CHFR: variants seen among roughly 807,000 people sequenced by gnomAD.
CHFR encodes the protein checkpoint with forkhead and ring finger domains, also known as E3 ubiquitin-protein ligase CHFR.
CHFR carries 57 observed loss-of-function variants against 87.6 expected under a neutral mutation model. The ratio of observed to expected loss-of-function variants is 0.65; its 90% CI spans 0.53 to 0.81. CHFR has a LOEUF of 0.81. Among genes scored for constraint, CHFR ranks in the 30% least tolerant of loss-of-function variants. The pLI is 0.00. For missense variants in CHFR, 797 were observed against 865.8 expected (o/e 0.92, Z 1.00); for synonymous variants, 381 against 359.2 (o/e 1.06, Z -0.69).
intron 12 of CHFR, among the ~76,000 whole-genome samples, chr12:132,850,236 T>C (rs1950910613): frequency 6.6e-6 from 1 of 151,902 alleles, no homozygotes; most frequent in South Asian, 2.1e-4. Context: ...TTTAATTGTC[T>C]GATATTCTAT....
chr12:132,839,705 C>T lies in CHFR; in HGVS notation c.*1849G>A, dbSNP rs1490165451. 1 of 167,670 alleles carries T rather than the reference C, an allele frequency of 6.0e-6. No homozygotes were observed. Among genetic ancestry groups the T allele is most frequent in the Non-Finnish European group, 1.3e-5 (1 of 77,774 alleles). 10.4% of individuals were successfully genotyped at this position (167,670 alleles called of 1,614,324 possible). Reference sequence around the variant, plus strand: ...CCTGCACCAACTCAAGACTTCCCTTCTTGGCCTCACCCCTGCACAAACGTG... The same window carrying T: ...CCTGCACCAACTCAAGACTTCCCTTTTTGGCCTCACCCCTGCACAAACGTG... On this transcript the variant is annotated 3_prime_UTR_variant, in exon 18 of 18. Transcript: ENST00000450056.
intron 5 of CHFR, 91 bp from the exon 6 acceptor site, chr12:132,869,889 T>C (rs1489037475): frequency 3.5e-6 from 5 of 1,429,628 alleles, no homozygotes; most frequent in East Asian, 2.5e-5. Context: ...GCAGACACTC[T>C]AGGGATTGAA....
intron 11 of CHFR, 21 bp downstream of exon 11, chr12:132,853,410 C>A: frequency 1.3e-6 from 2 of 1,499,532 alleles, no homozygotes; most frequent in East Asian, 2.6e-5. Context: ...AAGGCTGAGG[C>A]CTGAGGGCGG....
chr12:132,847,631 TGCTCG>T (rs1950857350), intron 14 of CHFR: 1 of 1,075,740 alleles, frequency 9.3e-7, no homozygotes, highest in Non-Finnish European at 1.1e-6. Flanking sequence ...GTCAGCAAAG[TGCTCG>T]GCAGGAGGGC....
chr12:132,851,628 G>A lies in CHFR; in HGVS notation c.1482C>T (p.Ala494=). The part of the protein sequence containing the change: ...RAEREQDPRV[A]PQQCAVCLQP... ...GGCGCGGGCACTCACACTGCTGAGG[G>A]GCGACACGCGGGTCCTGCTCGCGCT... The change falls in exon 12 of 18, where the codon GCC becomes GCT. Residue 494 remains alanine (A), a synonymous_variant. Coordinates refer to ENST00000450056, the MANE Select transcript of CHFR (RefSeq NM_001161346.2). 1.9e-6 allele frequency: 3 copies of A among 1,611,398 alleles called. No homozygotes were observed. The highest frequency in any genetic ancestry group is 2.5e-6 in the Non-Finnish European group (3 of 1,179,360).
At chr12:132,862,386 A>G in intron 6 of CHFR, 1 of 434,268 alleles carries the variant, frequency 2.3e-6, no homozygotes, top group Non-Finnish European at 4.6e-6. Context: ...TGATCCCAGG[A>G]GTTTTAGACC....
In CHFR at chr12:132,846,263, C is replaced by CTTTTT. The variant is rs10573381; in HGVS notation, c.1735+775_1735+779dup. 1.3e-4 allele frequency among the ~76,000 whole-genome samples: 17 copies of CTTTTT among 127,854 alleles called. 2 individuals carry two copies. In the East Asian group the frequency reaches 1.7e-3, roughly 13 times the overall value. 83.9% of individuals were successfully genotyped at this position (127,854 alleles called of 152,430 possible). A position where few individuals can be genotyped will look rare whatever the true frequency, so the allele number is the denominator to read the frequency against. The stretch of plus-strand genomic sequence containing the variant: ...GTCATACAGGTTCATGCTTAACTGT[C>CTTTTT]TTTTTTTTTTTTTTTTTGAGACGGA... On this transcript the variant is annotated intron_variant, in intron 15 of 17. Transcript: ENST00000450056.
At chr12:132,879,611 G>A (rs907885016) in intron 2 of CHFR, among the ~76,000 whole-genome samples, 3 of 151,846 alleles carry the variant, frequency 2.0e-5, no homozygotes, top group South Asian at 2.1e-4. Flanking sequence ...GGATGGTCTC[G>A]ATCTCTTGAC....
At position 132,843,086 on chromosome 12, in the gene CHFR, GGAAAAAGA is replaced by G. The variant is rs1566173008; in HGVS notation, c.1844-11_1844-4del. 1 of 1,612,452 alleles carries G rather than the reference GGAAAAAGA, an allele frequency of 6.2e-7. No individual in the cohort carries two copies. The highest frequency in any genetic ancestry group is 8.5e-7 in the Non-Finnish European group (1 of 1,179,390). On this transcript the variant is annotated splice_region_variant and splice_polypyrimidine_tract_variant and intron_variant, in intron 16 of 17. Transcript: ENST00000450056. ...GTCAGGACGGGATGTTACGGCCACT[GGAAAAAGA>G]GAAGGGGTACGCATCTATGAGATGT... is the stretch of plus-strand genomic sequence containing the variant.
intron 7 of CHFR, among the ~76,000 whole-genome samples, chr12:132,859,551 C>T (rs1025685925): frequency 6.6e-5 from 10 of 152,066 alleles, no homozygotes; most frequent in African/African-American, 2.2e-4. Context: ...AGGGTTTCAC[C>T]GTGTTAGCCA....
At chr12:132,841,625 A>G (rs775072924) in intron 17 of CHFR, 29 bp from the exon 18 acceptor site, 1 of 1,587,130 alleles carries the variant, frequency 6.3e-7, no homozygotes, top group Non-Finnish European at 8.7e-7. Flanking sequence ...CAAATTACAC[A>G]AGAGAGCATT....
chr12:132,869,735 G>A lies in CHFR; in HGVS notation c.467C>T (p.Thr156Ile). The change falls in exon 6 of 18, where the codon ACT becomes ATT. Residue 156 changes from threonine to isoleucine, a missense_variant. Transcript: ENST00000450056. ...CTGTGGTTCCTCAAAGCACACCTGA[G>A]TGGCGGGCGACGACGGAGGGACCCG... The part of the protein sequence containing the change: ...DPRVPPSSPA[T>I]QVCFEEPQPS... The A allele has an allele frequency of 1.3e-6, 2 of 1,551,568 alleles. No individual in the cohort carries two copies. The highest frequency in any genetic ancestry group is 1.7e-6 in the Non-Finnish European group (2 of 1,146,982).
At position 132,836,754 on chromosome 12, in the gene CHFR, C is replaced by G. The variant is rs1051259189; in HGVS notation, c.*4800G>C. The G allele has an allele frequency of 2.0e-5, 9 of 456,062 alleles. No individual in the cohort carries two copies. The highest frequency in any genetic ancestry group is 3.5e-5 in the Non-Finnish European group (8 of 226,784). 28.3% of individuals were successfully genotyped at this position (456,062 alleles called of 1,614,324 possible). ...GAAAAGTGAGCGACAGAGGAAGGGGCGCCTGTTTGTGCCGCGGGAAAGATT... is the reference window on the plus strand; with the variant it reads ...GAAAAGTGAGCGACAGAGGAAGGGGGGCCTGTTTGTGCCGCGGGAAAGATT... On this transcript the variant is annotated 3_prime_UTR_variant, in exon 18 of 18. Coordinates refer to ENST00000450056, the MANE Select transcript of CHFR (RefSeq NM_001161346.2).
chr12:132,881,867 CAAAAAAAA>C (rs57027326), intron 2 of CHFR, among the ~76,000 whole-genome samples: 1 of 98,166 alleles, frequency 1.0e-5, no homozygotes, highest in Non-Finnish European at 2.1e-5. Context: ...GACGCTGTCT[CAAAAAAAA>C]AAAAAAAAAA....
intron 8 of CHFR, 58 bp from the exon 9 acceptor site, chr12:132,857,617 G>A (rs936433952): frequency 1.1e-5 from 17 of 1,560,622 alleles, no homozygotes; most frequent in Non-Finnish European, 1.3e-5. Context: ...CGCGACCCTC[G>A]ACCAAGGTCC....
chr12:132,887,381 C>G, intron 1 of CHFR, 41 bp from the exon 2 acceptor site: 4 of 1,263,720 alleles, frequency 3.2e-6, no homozygotes, highest in Non-Finnish European at 4.0e-6. Context: ...CTCCCGACCC[C>G]AGAGGCCGAG....
At chr12:132,874,149 A>G (rs902991681) in intron 3 of CHFR, among the ~76,000 whole-genome samples, 2 of 152,256 alleles carry the variant, frequency 1.3e-5, no homozygotes, top group Non-Finnish European at 2.9e-5. Flanking sequence ...TCAGACCCAT[A>G]TCGGACTCTG....
Position 132,872,399 on chromosome 12 carries a change from A to G in CHFR, c.234-5T>C. On this transcript the variant is annotated splice_polypyrimidine_tract_variant and splice_region_variant and intron_variant, in intron 3 of 17. Coordinates refer to ENST00000450056, the MANE Select transcript of CHFR (RefSeq NM_001161346.2). ...TTAATCACTGTTCCACTGGTGCTGT[A>G]AAAAAACAAAAACACAATTTATTCT... is the stretch of plus-strand genomic sequence containing the variant. The G allele has an allele frequency of 6.3e-7, 1 of 1,592,458 alleles. No individual in the cohort carries two copies. Among genetic ancestry groups the G allele is most frequent in the Non-Finnish European group, 8.6e-7 (1 of 1,161,668 alleles).
intron 10 of CHFR, chr12:132,853,829 T>C (rs1198400018): frequency 4.0e-6 from 2 of 494,962 alleles, no homozygotes; most frequent in Non-Finnish European, 3.5e-6. Flanking sequence ...CCAGGGTCAC[T>C]AGGTCCCCAC....
Sources: allele counts gnomAD v4.1 joint callset (sites outside exome capture counted in the v4.1 genomes callset), GRCh38; gene constraint gnomAD v4.1.1; transcripts MANE v1.5; gene names NCBI Gene and HGNC (gene_info 2026-07-23, HGNC 2026-07-21).